The following PDE4B variants were observed in gnomAD, a reference collection of about 807,000 sequenced individuals.
PDE4B encodes 3',5'-cyclic-AMP phosphodiesterase 4B.
Under a neutral mutation model 82.2 loss-of-function variants are expected in PDE4B, and 20 were observed. The observed-to-expected ratio is 0.24, with a 90% CI of 0.17 to 0.35. The LOEUF is 0.35. Ranked by LOEUF, PDE4B falls within the 10% of genes least tolerant of loss-of-function variation. The pLI is 1.00. For synonymous variants in PDE4B, 320 were observed against 318.9 expected (o/e 1.00, Z -0.04); for missense variants, 655 against 907.2 (o/e 0.72, Z 3.57).
chr1:65,976,137 A>C (rs1650395966), intron 3 of PDE4B, among the ~76,000 whole-genome samples: 1 of 152,206 alleles, frequency 6.6e-6, no homozygotes, highest in African/African-American at 2.4e-5. Context: ...GGCTGTATGC[A>C]GTAAAGCCAC....
intron 3 of PDE4B, among the ~76,000 whole-genome samples, chr1:66,091,157 C>T (rs1387298082): frequency 6.6e-6 from 1 of 151,882 alleles, no homozygotes; most frequent in South Asian, 2.1e-4. Flanking sequence ...TGCCAATTAA[C>T]GAGACACCCT....
At chr1:66,322,720 A>ACT (rs1659495846) in intron 7 of PDE4B, among the ~76,000 whole-genome samples, 1 of 151,784 alleles carries the variant, frequency 6.6e-6, no homozygotes, top group Admixed American at 6.6e-5. Context: ...TGAAACCAGT[A>ACT]GGTTTCAACA....
chr1:65,936,604 AAC>A (rs1385352760), intron 3 of PDE4B, among the ~76,000 whole-genome samples: 1 of 152,178 alleles, frequency 6.6e-6, no homozygotes, highest in African/African-American at 2.4e-5. Context: ...GACTTATTGA[AAC>A]ACAGATTGCT....
intron 1 of PDE4B, among the ~76,000 whole-genome samples, chr1:65,864,332 T>C (rs140256960): frequency 0.018 from 2,770 of 152,098 alleles, 88 homozygotes; most frequent in African/African-American, 0.064. Flanking sequence ...GAGGAGTTTG[T>C]TATTACCCAC....
intron 2 of PDE4B, among the ~76,000 whole-genome samples, chr1:65,917,829 T>A (rs899909142): frequency 2.0e-5 from 3 of 152,198 alleles, no homozygotes; most frequent in African/African-American, 4.8e-5. Context: ...CCTCTAATTA[T>A]CAACATTCAG....
Position 65,994,922 on chromosome 1 carries a change from C to T in PDE4B, c.281+76087C>T, listed in dbSNP as rs527777391. Among the ~76,000 whole-genome samples the T allele has an allele frequency of 3.3e-5, 5 of 152,008 alleles. No individual in the cohort carries two copies. The East Asian group carries it at 9.6e-4, about 29-fold the overall frequency. On this transcript the variant is annotated intron_variant, in intron 3 of 16. Transcript: ENST00000341517. ...TGGAGTTTTTTACTTTTCCAAAGAA[C>T]CCCAATTTTAAAATGATTAAAGAGC...
At chr1:66,293,515 C>T (rs1474504310) in intron 7 of PDE4B, among the ~76,000 whole-genome samples, 2 of 151,864 alleles carry the variant, frequency 1.3e-5, no homozygotes, top group Non-Finnish European at 2.9e-5. Context: ...AGAGTCTGAG[C>T]TGAAATCATT....
chr1:65,793,453 C>T (rs908248483), intron 1 of PDE4B, among the ~76,000 whole-genome samples: 1 of 152,224 alleles, frequency 6.6e-6, no homozygotes, highest in Non-Finnish European at 1.5e-5. Flanking sequence ...AGCCTTTCGC[C>T]CTCATCTTCT....
intron 3 of PDE4B, among the ~76,000 whole-genome samples, chr1:65,934,764 CACAAGAT>C (rs1242217831): frequency 6.6e-6 from 1 of 152,020 alleles, no homozygotes; most frequent in Non-Finnish European, 1.5e-5. Context: ...TAAAAATTAG[CACAAGAT>C]ACAAGGAAGA....
At chr1:65,834,782 T>G (rs1364519054) in intron 1 of PDE4B, among the ~76,000 whole-genome samples, 1 of 152,200 alleles carries the variant, frequency 6.6e-6, no homozygotes, top group African/African-American at 2.4e-5. Flanking sequence ...CTTCCTGGGT[T>G]GTACTGGTAA....
At chr1:65,854,335 T>C (rs1179617123) in intron 1 of PDE4B, among the ~76,000 whole-genome samples, 1 of 152,004 alleles carries the variant, frequency 6.6e-6, no homozygotes, top group Non-Finnish European at 1.5e-5. Flanking sequence ...TTACAAATTT[T>C]CAAGCTCTTC....
chr1:66,120,064 T>C (rs568000519), intron 3 of PDE4B, among the ~76,000 whole-genome samples: 8 of 152,326 alleles, frequency 5.3e-5, no homozygotes, highest in African/African-American at 1.9e-4. Flanking sequence ...ATATTTATGT[T>C]GTTTAAGCTA....
intron 3 of PDE4B, among the ~76,000 whole-genome samples, chr1:66,145,870 A>C (rs946952905): frequency 6.6e-6 from 1 of 152,158 alleles, no homozygotes; most frequent in African/African-American, 2.4e-5. Flanking sequence ...ATTTCCTCAA[A>C]GTGATAGTAT....
rs374460964 is a variant in PDE4B at position 66,056,099 on chromosome 1, A to G, written c.281+137264A>G. Among the ~76,000 whole-genome samples the G allele has an allele frequency of 5.9e-5, 9 of 152,338 alleles. No homozygotes were observed. The East Asian group carries it at 9.6e-4, about 16-fold the overall frequency. ...AGGTGATGCTTACTTTATTTATGCT[A>G]CTAACTTTTTTTAAATTTACTTATT... On this transcript the variant is annotated intron_variant, in intron 3 of 16. Transcript: ENST00000341517.
At chr1:66,245,976 A>G (rs1031098196) in intron 3 of PDE4B, among the ~76,000 whole-genome samples, 1 of 152,182 alleles carries the variant, frequency 6.6e-6, no homozygotes, top group Non-Finnish European at 1.5e-5. Context: ...AAGGTTGCTT[A>G]TAGTCTAACT....
intron 7 of PDE4B, among the ~76,000 whole-genome samples, chr1:66,290,519 G>C (rs564216856): frequency 6.6e-6 from 1 of 152,294 alleles, no homozygotes; most frequent in Non-Finnish European, 1.5e-5. Context: ...AGTTGGGATA[G>C]AAAGTATTCA....
intron 1 of PDE4B, among the ~76,000 whole-genome samples, chr1:65,885,854 G>A (rs933824904): frequency 5.1e-5 from 7 of 136,178 alleles, no homozygotes; most frequent in East Asian, 2.1e-4. Context: ...AAAACTTAAC[G>A]TATAATAATA....
chr1:66,192,220 C>G (rs1647876555), intron 3 of PDE4B, among the ~76,000 whole-genome samples: 1 of 152,106 alleles, frequency 6.6e-6, no homozygotes, highest in African/African-American at 2.4e-5. Context: ...CAATTGAAGA[C>G]TCTTTTGTGA....
intron 3 of PDE4B, among the ~76,000 whole-genome samples, chr1:66,223,225 A>G (rs930539715): frequency 6.6e-6 from 1 of 152,228 alleles, no homozygotes; most frequent in African/African-American, 2.4e-5. Flanking sequence ...AAAAATGCAC[A>G]GGAAAACGAG....
Sources: gnomAD v4.1 joint callset for allele counts (sites outside exome capture counted in the v4.1 genomes callset) on GRCh38, gnomAD v4.1.1 for gene constraint, MANE v1.5 for transcripts, NCBI Gene and HGNC (gene_info 2026-07-23, HGNC 2026-07-21) for gene names.